FRY: variants seen among roughly 807,000 people sequenced by gnomAD.
FRY encodes FRY microtubule binding protein, also known as protein furry homolog.
In FRY, 128 loss-of-function variants were observed where a neutral mutation model predicts 348.4. The ratio of observed to expected loss-of-function variants is 0.37; its 90% CI spans 0.32 to 0.43. The LOEUF is 0.43. Ranked by LOEUF, FRY falls within the 20% of genes least tolerant of loss-of-function variation. The pLI is 1.00. For missense variants in FRY, 2,736 were observed against 3,695.2 expected, an observed-to-expected ratio of 0.74 and a Z score of 6.73; for synonymous variants, 1,370 against 1,374.7, an observed-to-expected ratio of 1.00 and a Z score of 0.08.
intron 51 of FRY, among the ~76,000 whole-genome samples, chr13:32,255,890 C>A (rs1177384087): frequency 6.6e-6 from 1 of 152,176 alleles, no homozygotes; most frequent in Non-Finnish European, 1.5e-5. Flanking sequence ...AGCTTGGACA[C>A]CTGTTTCCCT....
At chr13:32,144,254 TA>T (rs1476653814) in intron 11 of FRY, among the ~76,000 whole-genome samples, 2 of 148,474 alleles carry the variant, frequency 1.3e-5, no homozygotes, top group Non-Finnish European at 3.0e-5. Context: ...TGTGTGCTTC[TA>T]AAAAGCCAGG....
chr13:32,241,333 A>G (rs947011405), intron 46 of FRY, among the ~76,000 whole-genome samples: 4 of 152,242 alleles, frequency 2.6e-5, no homozygotes, highest in African/African-American at 4.8e-5. Context: ...TCAGGAAGAA[A>G]TTCTGATGTG....
intron 38 of FRY, among the ~76,000 whole-genome samples, chr13:32,225,313 C>G (rs1472568482): frequency 1.3e-5 from 2 of 152,146 alleles, no homozygotes; most frequent in African/African-American, 4.8e-5. Flanking sequence ...TTTTGAGAGT[C>G]TTCGGCTGAA....
chr13:32,159,040 C>T (rs1169630750), intron 16 of FRY, among the ~76,000 whole-genome samples: 3 of 129,842 alleles, frequency 2.3e-5, no homozygotes, highest in Admixed American at 1.6e-4. Context: ...AGGACAAAAA[C>T]ATTATATTCA....
At chr13:32,137,160 A>C (rs1450817188) in intron 11 of FRY, among the ~76,000 whole-genome samples, 188 bp downstream of exon 11, 2 of 152,228 alleles carry the variant, frequency 1.3e-5, no homozygotes, top group African/African-American at 4.8e-5. Flanking sequence ...GACTAGGAAT[A>C]AGATAAATCA....
At chr13:32,251,278 A>G (rs1887067428) in intron 49 of FRY, among the ~76,000 whole-genome samples, 1 of 152,244 alleles carries the variant, frequency 6.6e-6, no homozygotes, top group Admixed American at 6.5e-5. Context: ...TTATGAAGGA[A>G]AGGAACTGAA....
intron 58 of FRY, among the ~76,000 whole-genome samples, chr13:32,281,172 A>G (rs773141061): frequency 5.3e-5 from 8 of 152,218 alleles, no homozygotes; most frequent in Non-Finnish European, 1.0e-4. Context: ...TAGCATTACT[A>G]TAAAGGCTTG....
chr13:32,100,647 A>G (rs907157739), intron 2 of FRY, among the ~76,000 whole-genome samples: 6 of 152,314 alleles, frequency 3.9e-5, no homozygotes, highest in African/African-American at 1.4e-4. Flanking sequence ...CTTTCTCAGC[A>G]GTTTTCAAGT....
intron 4 of FRY, among the ~76,000 whole-genome samples, chr13:32,119,213 G>A (rs552171273): frequency 6.6e-5 from 10 of 152,156 alleles, no homozygotes; most frequent in Admixed American, 2.0e-4. Flanking sequence ...GCTCTCTAGG[G>A]TATGGTGTAG....
Position 32,095,761 on chromosome 13 carries a change from C to G in FRY, c.271-6202C>G, listed in dbSNP as rs536157658. Among the ~76,000 whole-genome samples, 3 of 152,150 alleles carry G rather than the reference C, an allele frequency of 2.0e-5. No individual in the cohort carries two copies. In the South Asian group the frequency reaches 6.2e-4, roughly 31 times the overall value. ...CCAGACCAATGTCCTGGAGATTTTC[C>G]CCAATGTTTTCTTGTACTAATTTCA... On this transcript the variant is annotated intron_variant, in intron 2 of 60. Coordinates refer to ENST00000542859, the MANE Select transcript of FRY (RefSeq NM_023037.3).
At chr13:32,179,218 G>T (rs758743965) in intron 22 of FRY, among the ~76,000 whole-genome samples, 185 bp downstream of exon 22, 2 of 152,042 alleles carry the variant, frequency 1.3e-5, no homozygotes, top group Non-Finnish European at 1.5e-5. Flanking sequence ...TCCCTGACAA[G>T]CAGGGAACCA....
chr13:32,259,007 T>C (rs959548472), intron 51 of FRY, among the ~76,000 whole-genome samples: 2 of 152,268 alleles, frequency 1.3e-5, no homozygotes, highest in African/African-American at 4.8e-5. Context: ...ATTTATAGAA[T>C]GTTTAATCAT....
At chr13:32,284,970 A>G (rs1369887514) in intron 58 of FRY, among the ~76,000 whole-genome samples, 2 of 152,200 alleles carry the variant, frequency 1.3e-5, no homozygotes, top group Admixed American at 1.3e-4. Flanking sequence ...AAAGCTATGC[A>G]TTCCTCAATT....
intron 28 of FRY, among the ~76,000 whole-genome samples, chr13:32,189,888 A>G (rs1883233970): frequency 6.6e-6 from 1 of 152,082 alleles, no homozygotes; most frequent in Non-Finnish European, 1.5e-5. Flanking sequence ...TCTAATACAT[A>G]GATACAAAAC....
In FRY at chr13:32,063,084, A is replaced by G. The variant is rs553662829; in HGVS notation, c.71-15750A>G. On this transcript the variant is annotated intron_variant, in intron 1 of 60. Transcript: ENST00000542859. ...ACCTGTAAGATTAGACTGTCCTTCAAGTCACCCTCTGCATCATGTAATCCC... is the reference window on the plus strand; with the variant it reads ...ACCTGTAAGATTAGACTGTCCTTCAGGTCACCCTCTGCATCATGTAATCCC... 7.9e-5 allele frequency among the ~76,000 whole-genome samples: 12 copies of G among 152,306 alleles called. No homozygotes were observed. The East Asian group carries it at 1.5e-3, about 20-fold the overall frequency.
chr13:32,062,661 A>G (rs544349896), intron 1 of FRY, among the ~76,000 whole-genome samples: 5 of 152,188 alleles, frequency 3.3e-5, no homozygotes, highest in Non-Finnish European at 5.9e-5. Flanking sequence ...ATCTAAATGA[A>G]TAAGCCCATA....
intron 51 of FRY, among the ~76,000 whole-genome samples, chr13:32,257,154 T>G (rs1435307003): frequency 6.6e-6 from 1 of 152,170 alleles, no homozygotes; most frequent in Non-Finnish European, 1.5e-5. Flanking sequence ...GTCCCAAGCA[T>G]TTTGAATAAG....
chr13:32,165,398 G>A (rs1467352326), intron 17 of FRY, among the ~76,000 whole-genome samples: 1 of 152,200 alleles, frequency 6.6e-6, no homozygotes, highest in Non-Finnish European at 1.5e-5. Context: ...AATTCACTTA[G>A]TCATATTTCT....
intron 14 of FRY, 32 bp from the exon 15 acceptor site, chr13:32,155,459 T>C: frequency 6.4e-7 from 1 of 1,565,214 alleles, no homozygotes. Context: ...ATTGGGCCTT[T>C]CCTTTTGTCA....
Sources: gnomAD v4.1 joint callset for allele counts (sites outside exome capture counted in the v4.1 genomes callset) on GRCh38, gnomAD v4.1.1 for gene constraint, MANE v1.5 for transcripts, NCBI Gene and HGNC (gene_info 2026-07-23, HGNC 2026-07-21) for gene names.